The following SLC22A3 variants were observed in gnomAD, a reference collection of about 807,000 sequenced individuals.
SLC22A3 encodes solute carrier family 22 member 3.
SLC22A3 carries 51 observed loss-of-function variants against 59.1 expected under a neutral mutation model. That is an observed-to-expected ratio of 0.86 (90% CI 0.69 to 1.09). The LOEUF is 1.09. Ranked by LOEUF, SLC22A3 falls within the 50% of genes least tolerant of loss-of-function variation. The pLI, the probability that SLC22A3 is intolerant of heterozygous loss-of-function variation, is 0.00. For synonymous variants in SLC22A3, 325 were observed against 292.0 expected, an observed-to-expected ratio of 1.11 and a Z score of -1.15; for missense variants, 711 against 726.3, an observed-to-expected ratio of 0.98 and a Z score of 0.24.
chr6:160,352,475 A>G (rs564433188), intron 1 of SLC22A3, among the ~76,000 whole-genome samples: 1 of 152,294 alleles, frequency 6.6e-6, no homozygotes, highest in African/African-American at 2.4e-5. Context: ...TTCAAGATTG[A>G]TGCTAGGATT....
At chr6:160,351,701 T>C (rs901129837) in intron 1 of SLC22A3, among the ~76,000 whole-genome samples, 1 of 152,178 alleles carries the variant, frequency 6.6e-6, no homozygotes, top group African/African-American at 2.4e-5. Context: ...AAGGGGTGAA[T>C]TGGGAGAGTT....
At position 160,415,795 on chromosome 6, in the gene SLC22A3, C is replaced by T. The variant is rs1787463772; in HGVS notation, c.975+4949C>T. 6.6e-6 allele frequency among the ~76,000 whole-genome samples: 1 copy of T among 152,112 alleles called. No individual in the cohort carries two copies. Among genetic ancestry groups the T allele is most frequent in the Non-Finnish European group, 1.5e-5 (1 of 68,014 alleles). On this transcript the variant is annotated intron_variant, in intron 5 of 10. Transcript: ENST00000275300. This position sits in a 1 kb window ranked among gnomAD's most constrained non-coding sequence, Gnocchi z 4.1. ...CAGCATTTTTCTCTTGTGAAAAGAA[C>T]CACCTGCCAACCCCAGCCTGTTCCA...
intron 1 of SLC22A3, among the ~76,000 whole-genome samples, chr6:160,360,047 T>A (rs1422423421): frequency 1.3e-5 from 2 of 152,242 alleles, no homozygotes; most frequent in African/African-American, 4.8e-5. Context: ...TATAATAGTT[T>A]TCAATTCTTA....
At chr6:160,411,065 A>G (rs1787230604) in intron 5 of SLC22A3, among the ~76,000 whole-genome samples, 2 of 152,096 alleles carry the variant, frequency 1.3e-5, no homozygotes, top group Non-Finnish European at 2.9e-5. Context: ...CTAGGGAAAA[A>G]TCATAGGACA....
chr6:160,451,094 A>G lies in SLC22A3; in HGVS notation c.*38A>G. ...AGACAGAAAGAAGGAGCTATCCAGG[A>G]GCTGATCCTCCTTGCAAAGCTGTGC... is the stretch of plus-strand genomic sequence containing the variant. On this transcript the variant is annotated 3_prime_UTR_variant, in exon 11 of 11. Coordinates refer to ENST00000275300, the MANE Select transcript of SLC22A3 (RefSeq NM_021977.4). 1 of 1,563,020 alleles carries G rather than the reference A, an allele frequency of 6.4e-7. No individual in the cohort carries two copies. Among genetic ancestry groups the G allele is most frequent in the Non-Finnish European group, 8.7e-7 (1 of 1,146,730 alleles).
chr6:160,360,708 T>C (rs913854793), intron 1 of SLC22A3, among the ~76,000 whole-genome samples: 7 of 152,190 alleles, frequency 4.6e-5, no homozygotes, highest in African/African-American at 1.7e-4. Flanking sequence ...CACGCTCTAT[T>C]TCCCTTTGCA....
At chr6:160,449,855 C>A (rs1788884120) in intron 10 of SLC22A3, among the ~76,000 whole-genome samples, 2 of 152,034 alleles carry the variant, frequency 1.3e-5, no homozygotes, top group Admixed American at 6.6e-5. Context: ...AGCCTTAAAG[C>A]CAGCAAGTTT....
chr6:160,410,086 G>A lies in SLC22A3; in HGVS notation c.858-643G>A, dbSNP rs147854371. Among the ~76,000 whole-genome samples the A allele has an allele frequency of 2.0e-3, 307 of 152,244 alleles. 1 individual carries two copies. The highest frequency in any genetic ancestry group is 6.9e-3 in the African/African-American group (288 of 41,542). ...GGCTGGAGTGCAGTGGTGCGATCTC[G>A]GCTCACTGCAACCTCTGCCTCTCAG... On this transcript the variant is annotated intron_variant, in intron 4 of 10. Transcript: ENST00000275300.
At chr6:160,421,679 T>C (rs1787746282) in intron 5 of SLC22A3, among the ~76,000 whole-genome samples, 1 of 152,232 alleles carries the variant, frequency 6.6e-6, no homozygotes, top group Non-Finnish European at 1.5e-5. Flanking sequence ...ATATTGGTTG[T>C]TCTCTTTTCT....
At chr6:160,443,899 TATA>T (rs938125322) in intron 9 of SLC22A3, among the ~76,000 whole-genome samples, 157 bp downstream of exon 9, 14 of 152,158 alleles carry the variant, frequency 9.2e-5, no homozygotes, top group African/African-American at 2.7e-4. Flanking sequence ...TTCATCTTAT[TATA>T]ATAACTATTT....
chr6:160,374,643 G>A (rs1785523603), intron 1 of SLC22A3, among the ~76,000 whole-genome samples: 1 of 152,212 alleles, frequency 6.6e-6, no homozygotes, highest in South Asian at 2.1e-4. Flanking sequence ...CCCAGCGTGT[G>A]TGGAGAGGCC....
At chr6:160,406,503 T>C (rs566395976) in intron 2 of SLC22A3, among the ~76,000 whole-genome samples, 2 of 152,340 alleles carry the variant, frequency 1.3e-5, no homozygotes, top group South Asian at 4.1e-4. Flanking sequence ...CTGTGAACTT[T>C]GTAGTTTATA....
chr6:160,407,530 T>A (rs1032925072), intron 3 of SLC22A3, among the ~76,000 whole-genome samples: 1 of 152,156 alleles, frequency 6.6e-6, no homozygotes, highest in African/African-American at 2.4e-5. Context: ...TCTTGAGGCA[T>A]TTTTGAGGCA....
chr6:160,383,125 C>G (rs1199191941), intron 1 of SLC22A3, among the ~76,000 whole-genome samples: 1 of 152,170 alleles, frequency 6.6e-6, no homozygotes, highest in Non-Finnish European at 1.5e-5. Context: ...CTGCACTATG[C>G]CAGGAACACT....
chr6:160,385,051 T>C (rs1473932316), intron 1 of SLC22A3, among the ~76,000 whole-genome samples: 1 of 152,254 alleles, frequency 6.6e-6, no homozygotes, highest in Non-Finnish European at 1.5e-5. Context: ...GTTCAGCAGT[T>C]ATAATTTTCA....
At chr6:160,364,337 C>T (rs1785130095) in intron 1 of SLC22A3, among the ~76,000 whole-genome samples, 1 of 152,190 alleles carries the variant, frequency 6.6e-6, no homozygotes, top group Non-Finnish European at 1.5e-5. Context: ...ACGCTTTCTT[C>T]TTAACTAATT....
chr6:160,411,579 G>C (rs1787250563), intron 5 of SLC22A3, among the ~76,000 whole-genome samples: 2 of 151,932 alleles, frequency 1.3e-5, no homozygotes, highest in Non-Finnish European at 2.9e-5. Context: ...TCTACAAATA[G>C]AAAGTTTTAA....
intron 5 of SLC22A3, among the ~76,000 whole-genome samples, chr6:160,433,324 CTTTAT>C (rs1222403156): frequency 3.9e-5 from 6 of 152,148 alleles, no homozygotes; most frequent in African/African-American, 1.4e-4. Context: ...AGAGATGCTC[CTTTAT>C]TTTATCACTT....
At position 160,407,188 on chromosome 6, in the gene SLC22A3, C is replaced by T. The variant is rs145268785; in HGVS notation, c.681C>T (p.Tyr227=). The T allele has an allele frequency of 1.6e-4, 258 of 1,607,646 alleles. No individual in the cohort carries two copies. The highest frequency in any genetic ancestry group is 3.5e-4 in the South Asian group (31 of 89,600). Residue 227 remains tyrosine (Y), a synonymous_variant, in exon 3 of 11, where the codon TAC becomes TAT. Transcript: ENST00000275300. ...GAAAGGGGACGTGGATGACTTGCTACGTGATTGGTAAGACATTCTTACACC... is the reference window on the plus strand; with the variant it reads ...GAAAGGGGACGTGGATGACTTGCTATGTGATTGGTAAGACATTCTTACACC... ...VFGKGTWMTC[Y]VIVTEIVGSK...
Sources: gnomAD v4.1 joint callset for allele counts (sites outside exome capture counted in the v4.1 genomes callset) on GRCh38, gnomAD v4.1.1 for gene constraint, Gnocchi (gnomAD v3.1) non-coding constraint, MANE v1.5 for transcripts, NCBI Gene and HGNC (gene_info 2026-07-23, HGNC 2026-07-21) for gene names.